Variants in C1QTNF9 observed in about 807,000 individuals in gnomAD.
C1QTNF9 encodes complement C1q and tumor necrosis factor-related protein 9A.
Under a neutral mutation model 10.1 loss-of-function variants are expected in C1QTNF9, and 6 were observed. That is an observed-to-expected ratio of 0.59 (90% CI 0.32 to 1.17). The LOEUF is 1.17. Ranked by LOEUF, C1QTNF9 falls within the 50% of genes most tolerant of loss-of-function variation. The probability of loss-of-function intolerance (pLI) is 0.04; values close to 1 mark genes in which losing one functional copy is unlikely to be tolerated. For synonymous variants in C1QTNF9, 98 were observed against 163.5 expected (o/e 0.60, Z 3.06); for missense variants, 201 against 418.8 (o/e 0.48, Z 4.54).
chr13:24,318,243 C>A (rs956046005), intron 2 of C1QTNF9, among the ~76,000 whole-genome samples: 1 of 152,176 alleles, frequency 6.6e-6, no homozygotes, highest in African/African-American at 2.4e-5. Flanking sequence ...TCAGCAGAGC[C>A]CCACTCACCT....
chr13:24,320,768 C>A (rs1878223522), intron 3 of C1QTNF9, among the ~76,000 whole-genome samples: 1 of 149,136 alleles, frequency 6.7e-6, no homozygotes, highest in African/African-American at 2.5e-5. Flanking sequence ...CCAGGTTGGT[C>A]TTGAACTCTT....
At chr13:24,307,629 TC>T (rs944490812), upstream of C1QTNF9, among the ~76,000 whole-genome samples, 91 of 152,168 alleles carry the variant, frequency 6.0e-4, no homozygotes, top group African/African-American at 2.2e-3. Context: ...GATCTGCTCC[TC>T]CCAACCTTGG....
At chr13:24,313,191 T>C (rs1017801567) in intron 1 of C1QTNF9, among the ~76,000 whole-genome samples, 5 of 152,190 alleles carry the variant, frequency 3.3e-5, no homozygotes, top group African/African-American at 1.2e-4. Context: ...TATTAGTTAA[T>C]CAAAATCATT....
upstream of C1QTNF9, among the ~76,000 whole-genome samples, chr13:24,309,306 T>TATATA (rs963863876): frequency 1.5e-5 from 2 of 134,024 alleles, no homozygotes; most frequent in African/African-American, 5.9e-5. Context: ...TATATATATA[T>TATATA]ATGAAAGAAA....
At chr13:24,318,497 G>A (rs1878124442) in intron 2 of C1QTNF9, among the ~76,000 whole-genome samples, 1 of 149,952 alleles carries the variant, frequency 6.7e-6, no homozygotes, top group Non-Finnish European at 1.5e-5. Context: ...CGCAGGAGAG[G>A]AACACAATCG....
chr13:24,313,755 T>TA (rs1389631253), intron 1 of C1QTNF9, among the ~76,000 whole-genome samples: 1 of 152,228 alleles, frequency 6.6e-6, no homozygotes, highest in Non-Finnish European at 1.5e-5. Context: ...AAGCATTTTT[T>TA]ATAAATGAAA....
chr13:24,307,874 G>A (rs1877658277), upstream of C1QTNF9, among the ~76,000 whole-genome samples: 1 of 152,254 alleles, frequency 6.6e-6, no homozygotes, highest in African/African-American at 2.4e-5. Flanking sequence ...AGCAGCCCCG[G>A]AGGCTGGAGG....
At chr13:24,315,402 A>G (rs1877985348) in intron 1 of C1QTNF9, among the ~76,000 whole-genome samples, 2 of 152,252 alleles carry the variant, frequency 1.3e-5, no homozygotes, top group Admixed American at 6.5e-5. Flanking sequence ...CTAAGGCTGA[A>G]GAATATTCCA....
intron 1 of C1QTNF9, among the ~76,000 whole-genome samples, chr13:24,314,697 A>G (rs1877963070): frequency 6.6e-6 from 1 of 151,452 alleles, no homozygotes; most frequent in South Asian, 2.1e-4. Flanking sequence ...ACAAAACCAA[A>G]CCCAGGTGTG....
At chr13:24,318,778 G>A (rs1426084842) in intron 2 of C1QTNF9, 40 bp from the exon 3 acceptor site, 2 of 1,613,536 alleles carry the variant, frequency 1.2e-6, no homozygotes, top group South Asian at 2.2e-5. Flanking sequence ...AATCAGAAAT[G>A]GAATTTCAAC....
At chr13:24,317,526 G>A (rs373325896) in intron 2 of C1QTNF9, among the ~76,000 whole-genome samples, 5 of 151,438 alleles carry the variant, frequency 3.3e-5, no homozygotes, top group Non-Finnish European at 4.4e-5. Flanking sequence ...GTAGTTCATA[G>A]GTATTATATA....
chr13:24,311,582 A>G (rs554405729), intron 1 of C1QTNF9, among the ~76,000 whole-genome samples: 2 of 152,334 alleles, frequency 1.3e-5, no homozygotes, highest in East Asian at 3.9e-4. Flanking sequence ...GTGAGTCCCC[A>G]GCAGCTGTCA....
chr13:24,318,476 C>T (rs1332075245), intron 2 of C1QTNF9, among the ~76,000 whole-genome samples: 3 of 151,730 alleles, frequency 2.0e-5, no homozygotes, highest in African/African-American at 7.3e-5. Flanking sequence ...GACCACGTCC[C>T]AAGTCCTTGT....
intron 1 of C1QTNF9, among the ~76,000 whole-genome samples, chr13:24,313,049 CTT>C (rs1224072954): frequency 1.3e-5 from 2 of 152,000 alleles, no homozygotes; most frequent in African/African-American, 2.4e-5. Context: ...AGGAGGACCA[CTT>C]AAGCCTAGAA....
At chr13:24,318,165 T>C (rs3854478) in intron 2 of C1QTNF9, among the ~76,000 whole-genome samples, 2,854 of 152,120 alleles carry the variant, frequency 0.019, 75 homozygotes, top group African/African-American at 0.062. Flanking sequence ...ACCTTCAACC[T>C]GCTGACGGAT....
rs1436288940 is a variant in C1QTNF9 at position 24,320,174 on chromosome 13, G to A, written c.230-822G>A. On this transcript the variant is annotated intron_variant, in intron 3 of 3. Transcript: ENST00000332018. ...TAGAGGATGTCACGACTAGGGTTGAGTGTCAGTTAATCTACCTGTCTCTGC... is the reference window on the plus strand; with the variant it reads ...TAGAGGATGTCACGACTAGGGTTGAATGTCAGTTAATCTACCTGTCTCTGC... 4.6e-5 allele frequency among the ~76,000 whole-genome samples: 7 copies of A among 151,900 alleles called. 1 individual carries two copies. The East Asian group carries it at 1.4e-3, about 30-fold the overall frequency.
chr13:24,319,844 T>C (rs541533734), intron 3 of C1QTNF9, among the ~76,000 whole-genome samples: 3 of 152,286 alleles, frequency 2.0e-5, no homozygotes, highest in East Asian at 1.9e-4. Flanking sequence ...CTGAATGCAA[T>C]ATCCCCAGAC....
upstream of C1QTNF9, among the ~76,000 whole-genome samples, chr13:24,309,381 A>T (rs1335691220): frequency 6.6e-6 from 1 of 150,564 alleles, no homozygotes; most frequent in Admixed American, 6.6e-5. Context: ...ATTCAAAAGG[A>T]TTTAACTTTT....
At chr13:24,309,283 T>TTTTATATATATATATATATA (rs1422107558), upstream of C1QTNF9, among the ~76,000 whole-genome samples, 5 of 68,258 alleles carry the variant, frequency 7.3e-5, no homozygotes, top group African/African-American at 2.5e-4. Context: ...ACTTAAAGTA[T>TTTTATATATATATATATATA]TATATATATA....
Sources: allele counts gnomAD v4.1 joint callset (sites outside exome capture counted in the v4.1 genomes callset), GRCh38; gene constraint gnomAD v4.1.1; transcripts MANE v1.5; gene names NCBI Gene and HGNC (gene_info 2026-07-23, HGNC 2026-07-21).